KCNIP4: variants seen among roughly 807,000 people sequenced by gnomAD.
KCNIP4 encodes Kv channel-interacting protein 4.
Under a neutral mutation model 34.0 loss-of-function variants are expected in KCNIP4, and 12 were observed. The ratio of observed to expected loss-of-function variants is 0.35; its 90% CI spans 0.23 to 0.57. The LOEUF is 0.57. Among genes scored for constraint, KCNIP4 ranks in the 20% least tolerant of loss-of-function variants. The pLI is 0.83. For missense variants in KCNIP4, 238 were observed against 311.7 expected (o/e 0.76, Z 1.78); for synonymous variants, 124 against 102.2 (o/e 1.21, Z -1.29).
chr4:21,385,252 T>C (rs1721914752), intron 1 of KCNIP4, among the ~76,000 whole-genome samples: 1 of 152,122 alleles, frequency 6.6e-6, no homozygotes, highest in Admixed American at 6.6e-5. Flanking sequence ...CCAAACTCTA[T>C]TTACCAGACT....
intron 1 of KCNIP4, among the ~76,000 whole-genome samples, chr4:21,705,673 A>C (rs559807763): frequency 6.6e-6 from 1 of 152,228 alleles, no homozygotes; most frequent in East Asian, 1.9e-4. Flanking sequence ...GTGATAACAA[A>C]AGTCCTCAAG....
chr4:21,766,349 G>A (rs888866576), intron 1 of KCNIP4, among the ~76,000 whole-genome samples: 9 of 152,054 alleles, frequency 5.9e-5, no homozygotes, highest in African/African-American at 4.8e-5. Flanking sequence ...GAATAACTAA[G>A]GGTCAGAGAG....
intron 1 of KCNIP4, among the ~76,000 whole-genome samples, chr4:21,723,600 T>A (rs1208116622): frequency 2.0e-5 from 3 of 151,976 alleles, no homozygotes; most frequent in Non-Finnish European, 2.9e-5. Context: ...AACAAATGGC[T>A]CAGAAAAAGA....
chr4:21,825,422 G>A (rs1722618936), intron 1 of KCNIP4, among the ~76,000 whole-genome samples: 3 of 152,092 alleles, frequency 2.0e-5, no homozygotes, highest in Non-Finnish European at 4.4e-5. Context: ...AAAGGTATTT[G>A]TAGACGATGA....
intron 1 of KCNIP4, among the ~76,000 whole-genome samples, chr4:20,984,202 G>A (rs532074629): frequency 6.6e-6 from 1 of 152,202 alleles, no homozygotes; most frequent in South Asian, 2.1e-4. Context: ...TGCAGCCAGC[G>A]GGCGAGTACT....
chr4:21,831,995 A>G (rs1723017668), intron 1 of KCNIP4, among the ~76,000 whole-genome samples: 1 of 152,176 alleles, frequency 6.6e-6, no homozygotes, highest in Admixed American at 6.6e-5. Context: ...TCCTTAACAA[A>G]TACTAGCAAA....
intron 1 of KCNIP4, among the ~76,000 whole-genome samples, chr4:21,095,493 T>G (rs751109445): frequency 3.5e-4 from 54 of 152,338 alleles, no homozygotes; most frequent in Non-Finnish European, 4.0e-4. Context: ...AATATGACTC[T>G]TTAAAAACAC....
intron 1 of KCNIP4, among the ~76,000 whole-genome samples, chr4:21,721,602 A>G (rs1016782166): frequency 6.6e-6 from 1 of 152,218 alleles, no homozygotes; most frequent in Non-Finnish European, 1.5e-5. Flanking sequence ...GGGCAAGTAT[A>G]TATCAGAGTT....
intron 1 of KCNIP4, among the ~76,000 whole-genome samples, chr4:21,138,441 C>G (rs10033890): frequency 0.53 from 80,039 of 151,718 alleles, 21,692 homozygotes; most frequent in African/African-American, 0.64. Context: ...GTTCCTTCTA[C>G]AAATCACTTA....
At chr4:21,365,566 A>T (rs1719691932) in intron 1 of KCNIP4, among the ~76,000 whole-genome samples, 2 of 151,634 alleles carry the variant, frequency 1.3e-5, no homozygotes, top group South Asian at 4.1e-4. Flanking sequence ...AATACTTCAA[A>T]TCTTTCCTGT....
intron 1 of KCNIP4, among the ~76,000 whole-genome samples, chr4:21,308,290 A>T (rs1315346035): frequency 6.6e-6 from 1 of 152,130 alleles, no homozygotes. Context: ...TCCTTCAGGG[A>T]AGTGTTGTGA....
intron 1 of KCNIP4, among the ~76,000 whole-genome samples, chr4:21,438,772 A>C (rs1398891975): frequency 6.6e-6 from 1 of 152,214 alleles, no homozygotes; most frequent in Non-Finnish European, 1.5e-5. Flanking sequence ...TGTTCATTTG[A>C]GGTTATAACT....
chr4:21,808,102 TATATC>T (rs999294962), intron 1 of KCNIP4, among the ~76,000 whole-genome samples: 1 of 152,242 alleles, frequency 6.6e-6, no homozygotes, highest in Non-Finnish European at 1.5e-5. Flanking sequence ...ATGTATATCA[TATATC>T]ATAGGGTAGA....
chr4:21,153,489 GTATATTTATATATATA>G (rs1180171688), intron 1 of KCNIP4, among the ~76,000 whole-genome samples: 10 of 134,078 alleles, frequency 7.5e-5, no homozygotes, highest in African/African-American at 2.5e-4. Context: ...ATATATATGT[GTATATTTATATATATA>G]TGTGTGTGTG....
intron 1 of KCNIP4, among the ~76,000 whole-genome samples, chr4:21,752,744 C>G (rs969465286): frequency 6.6e-6 from 1 of 152,158 alleles, no homozygotes; most frequent in African/African-American, 2.4e-5. Context: ...TAGGAGCCTG[C>G]TACTAGGATT....
At chr4:20,885,048 C>A (rs1293548827) in intron 1 of KCNIP4, among the ~76,000 whole-genome samples, 1 of 152,134 alleles carries the variant, frequency 6.6e-6, no homozygotes, top group Non-Finnish European at 1.5e-5. Context: ...CTCTGGCCAT[C>A]TTTCCCTCTT....
intron 1 of KCNIP4, among the ~76,000 whole-genome samples, chr4:21,674,428 C>T (rs766281749): frequency 5.9e-5 from 9 of 152,130 alleles, no homozygotes; most frequent in Admixed American, 1.3e-4. Flanking sequence ...TAGTGTATGG[C>T]GATTATTTGG....
At chr4:21,114,391 G>C (rs1190324267) in intron 1 of KCNIP4, among the ~76,000 whole-genome samples, 1 of 151,790 alleles carries the variant, frequency 6.6e-6, no homozygotes, top group Admixed American at 6.6e-5. Flanking sequence ...GATTATCCAG[G>C]GGCCTAAATA....
At chr4:20,842,006 C>G (rs909712567) in intron 3 of KCNIP4, among the ~76,000 whole-genome samples, 1 of 152,152 alleles carries the variant, frequency 6.6e-6, no homozygotes, top group Non-Finnish European at 1.5e-5. Flanking sequence ...AAGCTCCCTG[C>G]TCTAGTTCTT....
Sources: gnomAD v4.1 joint callset for allele counts (sites outside exome capture counted in the v4.1 genomes callset) on GRCh38, gnomAD v4.1.1 for gene constraint, MANE v1.5 for transcripts, NCBI Gene and HGNC (gene_info 2026-07-23, HGNC 2026-07-21) for gene names.